Variants in RYR3 observed in about 807,000 individuals in gnomAD.
The protein encoded by RYR3 is ryanodine receptor 3.
RYR3 carries 207 observed loss-of-function variants against 584.3 expected under a neutral mutation model. The observed-to-expected ratio is 0.35, with a 90% CI of 0.32 to 0.40. RYR3 has a LOEUF of 0.40. Ranked by LOEUF, RYR3 falls within the 10% of genes least tolerant of loss-of-function variation. The pLI, the probability that RYR3 is intolerant of heterozygous loss-of-function variation, is 1.00. For synonymous variants in RYR3, 2,416 were observed against 2,248.5 expected (o/e 1.07, Z -2.11); for missense variants, 5,616 against 6,089.2 (o/e 0.92, Z 2.59).
At chr15:33,507,711 G>GA (rs573325089) in intron 3 of RYR3, among the ~76,000 whole-genome samples, 23 of 152,124 alleles carry the variant, frequency 1.5e-4, no homozygotes, top group African/African-American at 4.3e-4. Context: ...CATTTGTGAT[G>GA]AAAAAAATGC....
intron 16 of RYR3, among the ~76,000 whole-genome samples, chr15:33,598,251 A>AAAAC (rs1458441190): frequency 6.9e-6 from 1 of 144,434 alleles, no homozygotes; most frequent in Non-Finnish European, 1.5e-5. Context: ...TTGCTCAAAA[A>AAAAC]AAAAAAAAAA....
intron 3 of RYR3, 74 bp downstream of exon 3, chr15:33,503,812 C>G: frequency 1.2e-6 from 1 of 839,456 alleles, no homozygotes; most frequent in South Asian, 1.5e-5. Flanking sequence ...ACATTTCATC[C>G]AACTTTGAAC....
chr15:33,825,225 A>T (rs1034558486), intron 81 of RYR3, among the ~76,000 whole-genome samples: 3 of 151,790 alleles, frequency 2.0e-5, no homozygotes, highest in African/African-American at 7.2e-5. Context: ...GTGCTGTTTA[A>T]AGTAAACTTT....
chr15:33,668,542 G>T (rs1234433913), intron 36 of RYR3, among the ~76,000 whole-genome samples: 2 of 152,142 alleles, frequency 1.3e-5, no homozygotes, highest in African/African-American at 4.8e-5. Flanking sequence ...CTTTATGTGT[G>T]AAAAAACAAA....
intron 43 of RYR3, among the ~76,000 whole-genome samples, chr15:33,711,234 C>CTTTTTTTTTTTTTTT (rs1567000991): frequency 1.2e-5 from 1 of 84,674 alleles, no homozygotes; most frequent in African/African-American, 4.4e-5. Context: ...TTCTTTCTTT[C>CTTTTTTTTTTTTTTT]ATTTTTTTTT....
chr15:33,460,939 C>CTTTTT (rs1265643276), intron 1 of RYR3, among the ~76,000 whole-genome samples: 1 of 63,500 alleles, frequency 1.6e-5, no homozygotes, highest in Non-Finnish European at 2.8e-5. Flanking sequence ...ATAATATCCA[C>CTTTTT]CTTTTTTTTT....
At chr15:33,421,778 C>T (rs535345040) in intron 1 of RYR3, among the ~76,000 whole-genome samples, 8 of 152,052 alleles carry the variant, frequency 5.3e-5, no homozygotes, top group Non-Finnish European at 8.8e-5. Context: ...CTGGAAAATC[C>T]CCTATTTATA....
intron 1 of RYR3, among the ~76,000 whole-genome samples, chr15:33,375,200 G>A (rs1324980194): frequency 6.6e-6 from 1 of 152,120 alleles, no homozygotes; most frequent in Non-Finnish European, 1.5e-5. Context: ...CTTACCTTAA[G>A]GGTTTGCCCC....
chr15:33,345,243 A>G (rs1371983498), intron 1 of RYR3, among the ~76,000 whole-genome samples: 1 of 152,230 alleles, frequency 6.6e-6, no homozygotes, highest in Non-Finnish European at 1.5e-5. Flanking sequence ...ATAAATATTT[A>G]TTGAGTAGCC....
chr15:33,371,218 C>T lies in RYR3; in HGVS notation c.51+60122C>T, dbSNP rs151034872. Among the ~76,000 whole-genome samples the T allele has an allele frequency of 4.6e-3, 697 of 152,298 alleles. 2 individuals are homozygous for T. Among genetic ancestry groups the T allele is most frequent in the South Asian group, 8.7e-3 (42 of 4,822 alleles). ...AAAGTGGCTGAGAAACAGAGGGTTG[C>T]TCAGCTGGAAACTGGCATCGCAGGG... On this transcript the variant is annotated intron_variant, in intron 1 of 103. Transcript: ENST00000634891.
At chr15:33,316,520 C>T (rs1442425029) in intron 1 of RYR3, among the ~76,000 whole-genome samples, 3 of 152,048 alleles carry the variant, frequency 2.0e-5, no homozygotes, top group Admixed American at 6.6e-5. Context: ...CAAGATTTAT[C>T]CAGTAGGAGT....
At position 33,848,327 on chromosome 15, in the gene RYR3, G is replaced by A. The variant is rs773224069; in HGVS notation, c.13534G>A (p.Ala4512Thr). The A allele has an allele frequency of 1.7e-5, 28 of 1,613,686 alleles. No homozygotes were observed. The highest frequency in any genetic ancestry group is 1.7e-4 in the Middle Eastern group (1 of 5,964). ...LVVFKREKEI[A>T]RKLEFDGLYI... is the part of the protein sequence containing the mutation. The stretch of plus-strand genomic sequence containing the variant: ...GGTTTTCAAAAGGGAAAAAGAAATC[G>A]CCAGGAAGCTGGAGTTTGATGGCCT... Residue 4512 changes from alanine (A) to threonine (T), a missense_variant, in exon 94 of 104, where the codon GCC (alanine) becomes ACC (threonine). Physicochemically the swap from Ala to Thr is moderately conservative, Grantham distance 58 (BLOSUM62 0). Coordinates refer to ENST00000634891, the MANE Select transcript of RYR3 (RefSeq NM_001036.6).
At chr15:33,338,832 A>T (rs1971457171) in intron 1 of RYR3, among the ~76,000 whole-genome samples, 2 of 152,186 alleles carry the variant, frequency 1.3e-5, no homozygotes, top group Admixed American at 6.5e-5. Context: ...CATGAACATA[A>T]TGGTGACAAA....
intron 38 of RYR3, among the ~76,000 whole-genome samples, chr15:33,675,173 C>T (rs4780150): frequency 0.15 from 22,516 of 152,278 alleles, 2,396 homozygotes; most frequent in African/African-American, 0.3. Context: ...AATATTTGGT[C>T]TCCCAGTTGT....
chr15:33,429,184 G>A (rs1346362821), intron 1 of RYR3, among the ~76,000 whole-genome samples: 1 of 152,132 alleles, frequency 6.6e-6, no homozygotes, highest in Non-Finnish European at 1.5e-5. Flanking sequence ...CTGTGTCTGA[G>A]CAATTTTAAG....
rs1890305967 is a variant in RYR3 at position 33,865,758 on chromosome 15, G to A, written c.*532G>A. The A allele has an allele frequency of 6.5e-6, 1 of 153,460 alleles. No individual in the cohort carries two copies. Among genetic ancestry groups the A allele is most frequent in the South Asian group, 2.1e-4 (1 of 4,874 alleles). The allele number at this position is 153,460 out of a possible 1,614,324, so 9.5% of individuals were successfully genotyped here. On this transcript the variant is annotated 3_prime_UTR_variant, in exon 104 of 104. Transcript: ENST00000634891. ...AAAAAACCGACACTTTGTCGACACT[G>A]AAATATCGATTAAGTGCCTTAAAAC...
At position 33,481,789 on chromosome 15, in the gene RYR3, C is replaced by CTTT. The variant is rs59354808; in HGVS notation, c.171+8269_171+8271dup. On this transcript the variant is annotated intron_variant, in intron 2 of 103. Coordinates refer to ENST00000634891, the MANE Select transcript of RYR3 (RefSeq NM_001036.6). ...GAGCCACCAGGCCTGGCCTTGAATA[C>CTTT]TTTTTTTTTTTTTTTTTTTTAGTAA... Among the ~76,000 whole-genome samples, 6 of 139,344 alleles carry CTTT rather than the reference C, an allele frequency of 4.3e-5. No homozygotes were observed. The South Asian group carries it at 1.4e-3, about 33-fold the overall frequency. The allele number at this position is 139,344 out of a possible 152,430, so 91.4% of individuals were successfully genotyped here.
chr15:33,723,116 C>T (rs929145248), intron 44 of RYR3, among the ~76,000 whole-genome samples: 2 of 152,346 alleles, frequency 1.3e-5, no homozygotes, highest in African/African-American at 4.8e-5. Flanking sequence ...CTCTGCTCAG[C>T]GCAGCTGGAA....
At chr15:33,853,183 C>A in intron 95 of RYR3, 96 bp downstream of exon 95, 2 of 1,076,012 alleles carry the variant, frequency 1.9e-6, no homozygotes, top group Non-Finnish European at 1.3e-6. Context: ...AAATGTGATG[C>A]TACTTTTATG....
Sources: gnomAD v4.1 joint callset for allele counts (sites outside exome capture counted in the v4.1 genomes callset) on GRCh38, gnomAD v4.1.1 for gene constraint, MANE v1.5 for transcripts, NCBI Gene and HGNC (gene_info 2026-07-23, HGNC 2026-07-21) for gene names.